The following BAIAP2 variants were observed in gnomAD, a reference collection of about 807,000 sequenced individuals.
The protein encoded by BAIAP2 is BAR/IMD domain containing adaptor protein 2.
Under a neutral mutation model 63.0 loss-of-function variants are expected in BAIAP2, and 18 were observed. That is an observed-to-expected ratio of 0.29 (90% CI 0.20 to 0.42). The LOEUF (loss-of-function observed/expected upper bound fraction) is 0.42, where lower values mean the gene tolerates loss of function less well. Ranked by LOEUF, BAIAP2 falls within the 10% of genes least tolerant of loss-of-function variation. The pLI is 1.00. For synonymous variants in BAIAP2, 386 were observed against 307.6 expected, an observed-to-expected ratio of 1.25 and a Z score of -2.67; for missense variants, 610 against 734.3, an observed-to-expected ratio of 0.83 and a Z score of 1.96.
chr17:81,106,672 A>AG, intron 11 of BAIAP2, 73 bp from the exon 12 acceptor site: 1 of 1,580,254 alleles, frequency 6.3e-7, no homozygotes, highest in Non-Finnish European at 8.7e-7. Flanking sequence ...CGGGCAGTCC[A>AG]GGGAGCCACA....
chr17:81,047,421 CTGTT>C (rs537360412), intron 1 of BAIAP2, among the ~76,000 whole-genome samples: 36 of 152,334 alleles, frequency 2.4e-4, no homozygotes, highest in East Asian at 1.5e-3. Context: ...GACTCTTTCT[CTGTT>C]TGTTCTTCTG....
At chr17:81,070,484 A>G (rs4076037) in intron 3 of BAIAP2, among the ~76,000 whole-genome samples, 102,776 of 152,080 alleles carry the variant, frequency 0.68, 35,079 homozygotes, top group Non-Finnish European at 0.73. Flanking sequence ...CCTTGCGGAC[A>G]CTGGGCAAAG....
intron 3 of BAIAP2, among the ~76,000 whole-genome samples, chr17:81,074,387 CG>C (rs2053258959): frequency 6.6e-6 from 1 of 151,084 alleles, no homozygotes; most frequent in African/African-American, 2.4e-5. Flanking sequence ...TGCACGGATA[CG>C]TGAGTGCTGG....
rs2046034482 is a variant in BAIAP2, at chr17:81,035,189, T to TACCGCCGCTGCTGCCGCC, written c.-65_-48dup. The TACCGCCGCTGCTGCCGCC allele has an allele frequency of 2.2e-6, 3 of 1,343,534 alleles. No homozygotes were observed. The highest frequency in any genetic ancestry group is 3.3e-5 in the East Asian group (1 of 30,682). 83.2% of individuals were successfully genotyped at this position (1,343,534 alleles called of 1,614,324 possible). ...GCTTTCGTCTCCGTCCTGCTGCCGT[T>TACCGCCGCTGCTGCCGCC]ACCGCCGCTGCTGCCGCCGCTTGCG... On this transcript the variant is annotated 5_prime_UTR_variant, in exon 1 of 14. Coordinates refer to ENST00000428708, the MANE Select transcript of BAIAP2 (RefSeq NM_001144888.2).
At chr17:81,103,377 G>C (rs1391327357) in intron 7 of BAIAP2, 125 bp from the exon 8 acceptor site, 2 of 915,730 alleles carry the variant, frequency 2.2e-6, no homozygotes, top group Admixed American at 5.4e-5. Context: ...CTCGCCGAGA[G>C]GTACCACCTG....
At chr17:81,099,001 C>T (rs2058108455) in intron 6 of BAIAP2, among the ~76,000 whole-genome samples, 1 of 117,612 alleles carries the variant, frequency 8.5e-6, no homozygotes, top group Non-Finnish European at 1.9e-5. Context: ...CCCATCCCCC[C>T]ATCCCACGGG....
chr17:81,064,412 C>A (rs1232023140), intron 3 of BAIAP2, among the ~76,000 whole-genome samples: 1 of 152,240 alleles, frequency 6.6e-6, no homozygotes. Flanking sequence ...CCCGCTCCCC[C>A]TTTCCCTGCA....
At position 81,116,157 on chromosome 17, in the gene BAIAP2, G is replaced by A; in HGVS notation, c.*318G>A. ...TGAGTTAAGGGAGGACATTTGGCCA[G>A]CTGGTGGCTGGGAGGGGAGCCTGGC... is the stretch of plus-strand genomic sequence containing the variant. On this transcript the variant is annotated 3_prime_UTR_variant, in exon 14 of 14. Coordinates refer to ENST00000428708, the MANE Select transcript of BAIAP2 (RefSeq NM_001144888.2). The A allele has an allele frequency of 1.2e-6, 2 of 1,602,236 alleles. No individual in the cohort carries two copies. The highest frequency in any genetic ancestry group is 2.2e-5 in the South Asian group (2 of 90,798).
intron 1 of BAIAP2, among the ~76,000 whole-genome samples, chr17:81,038,796 G>A (rs924713655): frequency 6.6e-5 from 10 of 152,226 alleles, no homozygotes; most frequent in African/African-American, 2.2e-4. Flanking sequence ...TTCCTGGGGT[G>A]TGCAGAGCTC....
chr17:81,053,516 G>A, intron 1 of BAIAP2, 152 bp from the exon 2 acceptor site: 2 of 761,508 alleles, frequency 2.6e-6, no homozygotes, highest in Non-Finnish European at 4.5e-6. Flanking sequence ...GGCATGGCTG[G>A]GATTTGAACT....
chr17:81,108,629 T>C, intron 13 of BAIAP2, 120 bp downstream of exon 13: 1 of 1,328,962 alleles, frequency 7.5e-7, no homozygotes, highest in Non-Finnish European at 1.1e-6. Context: ...AGCCTGGCCC[T>C]TCACCCCTGT....
intron 4 of BAIAP2, chr17:81,085,361 TGATCCCCAGCATGG>T (rs1177145237): frequency 3.4e-6 from 2 of 588,528 alleles, no homozygotes; most frequent in Non-Finnish European, 6.2e-6. Flanking sequence ...TGTGTCGCAG[TGATCCCCAGCATGG>T]GACAGCAGAG....
chr17:81,108,606 T>C, intron 13 of BAIAP2, 97 bp downstream of exon 13: 1 of 1,495,516 alleles, frequency 6.7e-7, no homozygotes, highest in Non-Finnish European at 9.3e-7. Context: ...CCACCTCTTT[T>C]CCTTTAGGGC....
At chr17:81,100,713 C>T (rs2058370098) in intron 7 of BAIAP2, among the ~76,000 whole-genome samples, 1 of 152,160 alleles carries the variant, frequency 6.6e-6, no homozygotes, top group Non-Finnish European at 1.5e-5. Context: ...CCTCACCCAA[C>T]CCAAACCTGC....
intron 6 of BAIAP2, among the ~76,000 whole-genome samples, chr17:81,090,461 C>A (rs1428689006): frequency 6.6e-6 from 1 of 152,254 alleles, no homozygotes; most frequent in Non-Finnish European, 1.5e-5. Flanking sequence ...TTTCCCAAGT[C>A]ACCGAGTTTC....
At chr17:81,106,711 C>G (rs374256415) in intron 11 of BAIAP2, 34 bp from the exon 12 acceptor site, 2 of 1,611,798 alleles carry the variant, frequency 1.2e-6, no homozygotes, top group Admixed American at 1.7e-5. Context: ...GGCATCCGGC[C>G]TGCTGGGCCG....
Position 81,043,147 on chromosome 17 carries a change from G to T in BAIAP2, c.54+7839G>T, listed in dbSNP as rs138267083. Among the ~76,000 whole-genome samples the T allele has an allele frequency of 2.0e-5, 3 of 152,184 alleles. No homozygotes were observed. In the East Asian group the frequency reaches 5.8e-4, roughly 29 times the overall value. On this transcript the variant is annotated intron_variant, in intron 1 of 13. Coordinates refer to ENST00000428708, the MANE Select transcript of BAIAP2 (RefSeq NM_001144888.2). The stretch of plus-strand genomic sequence containing the variant: ...CTCCCAGAGTGCTGGGATTACAGGC[G>T]TGAGCCACTGCATCCGGTCTAGGTG...
rs761765849 is a variant in BAIAP2, at chr17:81,115,831, C to T, written c.1597C>T (p.Leu533Phe). The change falls in exon 14 of 14, where the codon CTC becomes TTC. Residue 533 changes from leucine (L) to phenylalanine (F), a missense_variant. Physicochemically the swap from Leu to Phe is conservative, Grantham distance 22. Coordinates refer to ENST00000428708, the MANE Select transcript of BAIAP2 (RefSeq NM_001144888.2). ...TVTNDRSAPL[L>F]S ...GACCAACGACAGGTCTGCCCCCCTC[C>T]TCAGCTGATGGCCACATCTGCAGTG... 22 of 1,613,346 alleles carry T rather than the reference C, an allele frequency of 1.4e-5. No homozygotes were observed. Among genetic ancestry groups the T allele is most frequent in the African/African-American group, 2.7e-5 (2 of 74,956 alleles).
intron 13 of BAIAP2, 71 bp downstream of exon 13, chr17:81,108,580 C>G: frequency 6.4e-7 from 1 of 1,572,416 alleles, no homozygotes. Context: ...GCAGGTCCCT[C>G]TGCTAGGACC....
Sources: allele counts gnomAD v4.1 joint callset (sites outside exome capture counted in the v4.1 genomes callset), GRCh38; gene constraint gnomAD v4.1.1; transcripts MANE v1.5; gene names NCBI Gene and HGNC (gene_info 2026-07-23, HGNC 2026-07-21).